RBFOX1: variants seen among roughly 807,000 people sequenced by gnomAD.
RBFOX1 encodes RNA binding fox-1 homolog 1, also known as RNA binding protein fox-1 homolog 1.
Under a neutral mutation model 57.7 loss-of-function variants are expected in RBFOX1, and 8 were observed. The ratio of observed to expected loss-of-function variants is 0.14; its 90% CI spans 0.08 to 0.25. The LOEUF is 0.25. Among genes scored for constraint, RBFOX1 ranks in the 10% least tolerant of loss-of-function variants. RBFOX1 has a pLI of 1.00. For synonymous variants in RBFOX1, 326 were observed against 222.4 expected (o/e 1.47, Z -4.15); for missense variants, 611 against 548.5 (o/e 1.11, Z -1.14).
chr16:6,236,936 T>C (rs1173027386), intron 1 of RBFOX1, among the ~76,000 whole-genome samples: 1 of 152,198 alleles, frequency 6.6e-6, no homozygotes, highest in Admixed American at 6.5e-5. Context: ...CCATGGAGAT[T>C]ACAACTCAAG....
intron 3 of RBFOX1, among the ~76,000 whole-genome samples, chr16:7,044,704 A>C (rs2047311412): frequency 6.8e-6 from 1 of 147,194 alleles, no homozygotes; most frequent in South Asian, 2.1e-4. Context: ...CATGGGAGAA[A>C]AAAAATATCA....
chr16:6,184,044 G>T (rs192567532), intron 1 of RBFOX1, among the ~76,000 whole-genome samples: 3 of 152,268 alleles, frequency 2.0e-5, no homozygotes, highest in Admixed American at 1.3e-4. Context: ...AAGGCAAAAG[G>T]CATGTTTTAC....
At chr16:6,985,551 G>T (rs528206078) in intron 3 of RBFOX1, among the ~76,000 whole-genome samples, 2 of 152,272 alleles carry the variant, frequency 1.3e-5, no homozygotes, top group East Asian at 1.9e-4. Context: ...GACAGGGCTG[G>T]GAGCAGTGGC....
Position 6,780,179 on chromosome 16 carries a change from TTA to T in RBFOX1, c.-16+125539_-16+125540del, listed in dbSNP as rs1252833927. 1.4e-3 allele frequency among the ~76,000 whole-genome samples: 29 copies of T among 20,166 alleles called. 2 individuals carry two copies. In the East Asian group the frequency reaches 0.017, roughly 12 times the overall value. The allele number at this position is 20,166 out of a possible 152,430, so 13.2% of individuals were successfully genotyped here. A position where few individuals can be genotyped will look rare whatever the true frequency, so the allele number is the denominator to read the frequency against. ...TATATATTTATATATTTTTATATAT[TTA>T]TATATATATTTATATATTTTTATAT... On this transcript the variant is annotated intron_variant, in intron 3 of 15. Transcript: ENST00000550418.
At chr16:6,861,581 A>T (rs1477040387) in intron 3 of RBFOX1, among the ~76,000 whole-genome samples, 1 of 146,558 alleles carries the variant, frequency 6.8e-6, no homozygotes, top group African/African-American at 2.5e-5. Flanking sequence ...CTCTCATTTC[A>T]TATGAAAGTA....
At chr16:7,514,743 C>T (rs1892089025) in intron 4 of RBFOX1, among the ~76,000 whole-genome samples, 2 of 152,116 alleles carry the variant, frequency 1.3e-5, no homozygotes, top group East Asian at 3.9e-4. Flanking sequence ...CCTTAACTGA[C>T]CATAAGCTTC....
chr16:7,610,844 A>G (rs115715998), intron 10 of RBFOX1, among the ~76,000 whole-genome samples: 123 of 152,326 alleles, frequency 8.1e-4, no homozygotes, highest in African/African-American at 2.8e-3. Flanking sequence ...TCCAGGTATA[A>G]TTATTACTGT....
At chr16:7,477,005 G>C (rs1030098122) in intron 4 of RBFOX1, among the ~76,000 whole-genome samples, 1 of 152,110 alleles carries the variant, frequency 6.6e-6, no homozygotes, top group African/African-American at 2.4e-5. Context: ...TTCCTTGCTG[G>C]GAAGTGTACC....
At chr16:6,148,427 T>G (rs1597792091) in intron 1 of RBFOX1, among the ~76,000 whole-genome samples, 2 of 152,222 alleles carry the variant, frequency 1.3e-5, no homozygotes, top group South Asian at 4.1e-4. Context: ...CATTCTAGTC[T>G]TAGAATTTTG....
At position 5,905,063 on chromosome 16, in the gene RBFOX1, G is replaced by GC. The variant is rs1555565565; in HGVS notation, c.351+37729dup. Among the ~76,000 whole-genome samples the GC allele has an allele frequency of 2.9e-5, 3 of 104,958 alleles. No homozygotes were observed. In the Admixed American group the frequency reaches 3.4e-4, roughly 12 times the overall value. The allele number at this position is 104,958 out of a possible 152,430, so 68.9% of individuals were successfully genotyped here. ...TCCCATATGACTCCATATGACTGGT[G>GC]CTTTTTTTTTTTTTTTTTTTTGAGA... is the stretch of plus-strand genomic sequence containing the variant. On this transcript the variant is annotated intron_variant, in intron 4 of 19. Coordinates refer to the RBFOX1 transcript ENST00000641259.
At chr16:6,907,012 C>G (rs1438377232) in intron 3 of RBFOX1, among the ~76,000 whole-genome samples, 1 of 152,134 alleles carries the variant, frequency 6.6e-6, no homozygotes, top group Non-Finnish European at 1.5e-5. Flanking sequence ...GCATGAGCCA[C>G]CGCACCCAGC....
chr16:6,879,647 A>G (rs1335244271), intron 3 of RBFOX1, among the ~76,000 whole-genome samples: 1 of 152,198 alleles, frequency 6.6e-6, no homozygotes, highest in Non-Finnish European at 1.5e-5. Flanking sequence ...GCTTCAAGTA[A>G]GGTCCAGTTG....
At chr16:6,854,656 G>A (rs1372920318) in intron 3 of RBFOX1, among the ~76,000 whole-genome samples, 7 of 142,954 alleles carry the variant, frequency 4.9e-5, no homozygotes, top group African/African-American at 1.3e-4. Flanking sequence ...GTGCAGTGGC[G>A]CTATCTGGGC....
intron 2 of RBFOX1, among the ~76,000 whole-genome samples, chr16:6,575,884 A>T (rs999875324): frequency 1.3e-5 from 2 of 151,318 alleles, no homozygotes; most frequent in Non-Finnish European, 2.9e-5. Context: ...TAAATAAATA[A>T]ATAAATAAAT....
At chr16:7,168,370 A>G (rs1033290568) in intron 4 of RBFOX1, among the ~76,000 whole-genome samples, 3 of 152,182 alleles carry the variant, frequency 2.0e-5, no homozygotes, top group Non-Finnish European at 4.4e-5. Context: ...GTGCAGAGCC[A>G]GGTAGGAAAT....
chr16:5,956,169 C>A (rs905439107), intron 4 of RBFOX1, among the ~76,000 whole-genome samples: 1 of 151,978 alleles, frequency 6.6e-6, no homozygotes, highest in Admixed American at 6.6e-5. Context: ...TCAGCTGCTC[C>A]AGAGGGTGAG....
At chr16:6,899,960 C>T (rs1236408461) in intron 3 of RBFOX1, among the ~76,000 whole-genome samples, 3 of 152,108 alleles carry the variant, frequency 2.0e-5, no homozygotes, top group Non-Finnish European at 4.4e-5. Context: ...GCTGGGTGGC[C>T]TTGGACAAGG....
intron 2 of RBFOX1, among the ~76,000 whole-genome samples, chr16:5,519,543 G>A (rs1201216208): frequency 6.6e-6 from 1 of 152,154 alleles, no homozygotes; most frequent in African/African-American, 2.4e-5. Context: ...GGGCAACCAG[G>A]GGAGACCTTG....
chr16:6,618,997 G>C (rs774183055), intron 2 of RBFOX1, among the ~76,000 whole-genome samples: 4 of 152,208 alleles, frequency 2.6e-5, no homozygotes, highest in Non-Finnish European at 4.4e-5. Flanking sequence ...AAGCTGAAAA[G>C]ACACTGTGAG....
Sources: gnomAD v4.1 joint callset for allele counts (sites outside exome capture counted in the v4.1 genomes callset) on GRCh38, gnomAD v4.1.1 for gene constraint, MANE v1.5 for transcripts, NCBI Gene and HGNC (gene_info 2026-07-23, HGNC 2026-07-21) for gene names.